ADCY3: variants seen among roughly 807,000 people sequenced by gnomAD.
The protein encoded by ADCY3 is adenylate cyclase type 3.
A neutral mutation model predicts 119.4 loss-of-function variants in ADCY3; 70 were observed. The observed-to-expected ratio is 0.59, with a 90% CI of 0.48 to 0.72. ADCY3 has a LOEUF of 0.72. ADCY3 is among the 30% of genes least tolerant of loss of function. ADCY3 has a pLI of 0.00. For synonymous variants in ADCY3, 672 were observed against 621.4 expected (o/e 1.08, Z -1.21); for missense variants, 1,238 against 1,541.6 (o/e 0.80, Z 3.30).
At chr2:24,856,189 G>A (rs138189363) in intron 3 of ADCY3, among the ~76,000 whole-genome samples, 1 of 152,320 alleles carries the variant, frequency 6.6e-6, no homozygotes. Flanking sequence ...GAGTGTGTGT[G>A]TGTGTGTCCA....
In ADCY3 at chr2:24,840,082, G is replaced by A. The variant is rs753866216; in HGVS notation, c.1197-51C>T. 5 of 1,568,122 alleles carry A rather than the reference G, an allele frequency of 3.2e-6. No individual in the cohort carries two copies. The South Asian group carries it at 5.8e-5, about 18-fold the overall frequency. On this transcript the variant is annotated intron_variant, in intron 6 of 21. Transcript: ENST00000679454. Reference sequence around the variant, plus strand: ...GTCAGGGTGTGGCCTTCACGAGGCAGCCAGCTGCCCCTGCTCCTGCAGGAG... The same window carrying A: ...GTCAGGGTGTGGCCTTCACGAGGCAACCAGCTGCCCCTGCTCCTGCAGGAG...
chr2:24,832,484 C>G (rs1669732742), intron 11 of ADCY3, among the ~76,000 whole-genome samples: 1 of 152,188 alleles, frequency 6.6e-6, no homozygotes, highest in Admixed American at 6.5e-5. Flanking sequence ...CCTGACAACT[C>G]CCGGAAACCT....
intron 13 of ADCY3, among the ~76,000 whole-genome samples, chr2:24,830,320 T>G (rs1310662761): frequency 6.6e-6 from 1 of 152,184 alleles, no homozygotes; most frequent in African/African-American, 2.4e-5. Context: ...ATTACAGGCG[T>G]GAGCTACCGC....
chr2:24,835,933 C>CAAAAA (rs66514871), intron 9 of ADCY3, among the ~76,000 whole-genome samples: 1 of 129,728 alleles, frequency 7.7e-6, no homozygotes. Context: ...GACTCCATCT[C>CAAAAA]AAAAAAAAAA....
intron 2 of ADCY3, among the ~76,000 whole-genome samples, chr2:24,873,011 C>T (rs1025105017): frequency 6.6e-6 from 1 of 151,868 alleles, no homozygotes; most frequent in Non-Finnish European, 1.5e-5. Context: ...GGCTGTGGAT[C>T]CCCCCTCCGG....
intron 2 of ADCY3, among the ~76,000 whole-genome samples, chr2:24,887,222 A>C (rs1387401030): frequency 6.6e-6 from 1 of 152,102 alleles, no homozygotes; most frequent in East Asian, 1.9e-4. Flanking sequence ...ATACCATCGG[A>C]TCTTGTGAGA....
chr2:24,838,401 G>GGGGTGGGGT (rs144091796), intron 8 of ADCY3, 44 bp downstream of exon 8: 322 of 1,504,244 alleles, frequency 2.1e-4, no homozygotes, highest in East Asian at 8.3e-4. Flanking sequence ...CCCTAATCCA[G>GGGGTGGGGT]GGGTGGGGTG....
intron 2 of ADCY3, among the ~76,000 whole-genome samples, chr2:24,895,837 G>A (rs1678206036): frequency 6.6e-6 from 1 of 151,860 alleles, no homozygotes; most frequent in South Asian, 2.1e-4. Context: ...TATTGCCCAG[G>A]GTGGAATATT....
intron 3 of ADCY3, among the ~76,000 whole-genome samples, chr2:24,845,360 C>A (rs1009766550): frequency 6.6e-6 from 1 of 152,156 alleles, no homozygotes; most frequent in Non-Finnish European, 1.5e-5. Context: ...GTTAGTGATA[C>A]GAACAATAAG....
At chr2:24,897,031 T>C (rs1678372100) in intron 2 of ADCY3, among the ~76,000 whole-genome samples, 1 of 152,252 alleles carries the variant, frequency 6.6e-6, no homozygotes, top group African/African-American at 2.4e-5. Flanking sequence ...GGAGAATAAT[T>C]CCAGGCTGTC....
intron 15 of ADCY3, 175 bp from the exon 16 acceptor site, chr2:24,826,301 T>C: frequency 3.4e-6 from 2 of 589,102 alleles, no homozygotes; most frequent in African/African-American, 1.9e-5. Flanking sequence ...TTTTCTTAAC[T>C]CACTGGGCTC....
chr2:24,841,324 G>C lies in ADCY3; in HGVS notation c.1131C>G (p.Pro377=), dbSNP rs2241759. ...GDCYYCICGL[P]DYREDHAVCS... ...AGACGGCGTGGTCCTCCCGGTAGTC[G>C]GGCAAGCCGCAGATGCAGTAGTAGC... is the stretch of plus-strand genomic sequence containing the variant. The change falls in exon 6 of 22, where the codon CCC becomes CCG. Residue 377 remains proline, a synonymous_variant. Coordinates refer to ENST00000679454, the MANE Select transcript of ADCY3 (RefSeq NM_004036.5). The surrounding 1 kb of genome is among the most constrained non-coding windows in gnomAD (Gnocchi z 5.8). The C allele has an allele frequency of 6.3e-7, 1 of 1,590,682 alleles. No homozygotes were observed.
intron 2 of ADCY3, among the ~76,000 whole-genome samples, chr2:24,917,498 T>A (rs1342402046): frequency 6.6e-6 from 1 of 152,190 alleles, no homozygotes; most frequent in Non-Finnish European, 1.5e-5. Flanking sequence ...CTACTGTCCC[T>A]CAGGTCCCCT....
chr2:24,861,818 G>A (rs193212748), intron 3 of ADCY3, among the ~76,000 whole-genome samples: 38 of 152,342 alleles, frequency 2.5e-4, no homozygotes, highest in Non-Finnish European at 5.0e-4. Flanking sequence ...TCACCACCCT[G>A]ACTTCAGCCG....
At chr2:24,862,200 C>T (rs368918009) in intron 3 of ADCY3, among the ~76,000 whole-genome samples, 8 of 152,098 alleles carry the variant, frequency 5.3e-5, no homozygotes, top group Admixed American at 2.6e-4. Flanking sequence ...CTTGTCCTCA[C>T]GTGCAAGGCC....
intron 15 of ADCY3, chr2:24,826,618 G>C (rs1029312419): frequency 6.5e-6 from 1 of 154,304 alleles, no homozygotes; most frequent in Non-Finnish European, 1.4e-5. Flanking sequence ...ATTTCCTGTT[G>C]ATGTCATTTG....
At chr2:24,871,344 C>T (rs988582584) in intron 3 of ADCY3, among the ~76,000 whole-genome samples, 3 of 152,172 alleles carry the variant, frequency 2.0e-5, no homozygotes, top group Non-Finnish European at 2.9e-5. Flanking sequence ...GGGGAAGGGG[C>T]GAATACGATG....
At chr2:24,907,085 C>T (rs982721932) in intron 2 of ADCY3, among the ~76,000 whole-genome samples, 2 of 151,950 alleles carry the variant, frequency 1.3e-5, no homozygotes, top group Non-Finnish European at 2.9e-5. Flanking sequence ...GAGCCAGGAT[C>T]GCACCACTGC....
intron 3 of ADCY3, among the ~76,000 whole-genome samples, chr2:24,845,211 C>A (rs1009725666): frequency 1.3e-5 from 2 of 152,096 alleles, no homozygotes; most frequent in African/African-American, 4.8e-5. Context: ...TGAAAAGATA[C>A]CCAAAAACGT....
Sources: allele counts gnomAD v4.1 joint callset (sites outside exome capture counted in the v4.1 genomes callset), GRCh38; gene constraint gnomAD v4.1.1; non-coding constraint Gnocchi (gnomAD v3.1); transcripts MANE v1.5; gene names NCBI Gene and HGNC (gene_info 2026-07-23, HGNC 2026-07-21).